ZNF765: variants seen among roughly 807,000 people sequenced by gnomAD.
ZNF765 encodes the protein zinc finger protein 765.
ZNF765 carries 37 observed loss-of-function variants against 44.7 expected under a neutral mutation model. The observed-to-expected ratio is 0.83, with a 90% CI of 0.64 to 1.09. The LOEUF (loss-of-function observed/expected upper bound fraction) is 1.09. Among genes scored for constraint, ZNF765 ranks in the 50% least tolerant of loss-of-function variants. The probability of loss-of-function intolerance (pLI) is 0.00; values close to 1 mark genes in which losing one functional copy is unlikely to be tolerated. For synonymous variants in ZNF765, 201 were observed against 213.7 expected (o/e 0.94, Z 0.52); for missense variants, 594 against 626.1 (o/e 0.95, Z 0.55).
intron 2 of ZNF765, among the ~76,000 whole-genome samples, chr19:53,401,123 C>T (rs2085721559): frequency 6.6e-6 from 1 of 152,072 alleles, no homozygotes; most frequent in East Asian, 1.9e-4. Flanking sequence ...GCATCAGCCT[C>T]CCAGGTAGCT....
chr19:53,397,758 C>T (rs1426718232), intron 1 of ZNF765, among the ~76,000 whole-genome samples, 185 bp from the exon 2 acceptor site: 13 of 151,844 alleles, frequency 8.6e-5, no homozygotes, highest in Admixed American at 2.6e-4. Context: ...ACTGCTGCAG[C>T]GTGTGTGTGG....
intron 3 of ZNF765, among the ~76,000 whole-genome samples, chr19:53,417,427 G>C (rs1405112689): frequency 6.6e-6 from 1 of 152,094 alleles, no homozygotes; most frequent in Non-Finnish European, 1.5e-5. Flanking sequence ...ATGGCCTCCA[G>C]CTCCATCCAT....
chr19:53,412,714 T>G (rs543439906), downstream of ZNF765, among the ~76,000 whole-genome samples: 66 of 152,040 alleles, frequency 4.3e-4, no homozygotes, highest in East Asian at 0.011. Flanking sequence ...AGAGATGGGG[T>G]TTCACCATAT....
chr19:53,395,592 T>C (rs1419202024), intron 1 of ZNF765, among the ~76,000 whole-genome samples: 1 of 152,246 alleles, frequency 6.6e-6, no homozygotes, highest in Non-Finnish European at 1.5e-5. Flanking sequence ...CCGCGTCCTC[T>C]GTCTGGTCCT....
Position 53,408,114 on chromosome 19 carries a change from C to G in ZNF765, c.559C>G (p.His187Asp). 6.2e-7 allele frequency: 1 copy of G among 1,614,014 alleles called. No homozygotes were observed. The highest frequency in any genetic ancestry group is 2.2e-5 in the East Asian group (1 of 44,870). ...AQRISCRPET[H>D]ISNDYGNNFL... ...AAGAATTTCTTGTAGGCCTGAAACC[C>G]ATATTTCTAATGACTATGGGAATAA... The change falls in exon 4 of 4, where the codon CAT (histidine) becomes GAT (aspartate). Residue 187 changes from histidine to aspartate, a missense_variant. This residue lies in a region of ZNF765 where 567 missense variants were observed against 572.6 expected (regional missense o/e 0.99). Coordinates refer to ENST00000396408, the MANE Select transcript of ZNF765 (RefSeq NM_001040185.3).
chr19:53,396,189 A>C lies in ZNF765; in HGVS notation c.-74+996A>C, dbSNP rs566292677. On this transcript the variant is annotated intron_variant, in intron 1 of 3. Transcript: ENST00000396408. ...GAGTGGTGCTGGTGGCAAGGAGAACAGAGGGAGAAGCACAGCAGGGAGGAC... is the reference window on the plus strand; with the variant it reads ...GAGTGGTGCTGGTGGCAAGGAGAACCGAGGGAGAAGCACAGCAGGGAGGAC... Among the ~76,000 whole-genome samples the C allele has an allele frequency of 4.2e-4, 64 of 152,130 alleles. 1 individual carries two copies. Among genetic ancestry groups the C allele is most frequent in the Non-Finnish European group, 7.1e-4 (48 of 68,008 alleles).
At chr19:53,397,440 T>G (rs1252763281) in intron 1 of ZNF765, among the ~76,000 whole-genome samples, 2 of 152,172 alleles carry the variant, frequency 1.3e-5, no homozygotes, top group Non-Finnish European at 2.9e-5. Context: ...GGTTTCACCA[T>G]GTTGGCCAGG....
intron 3 of ZNF765, among the ~76,000 whole-genome samples, chr19:53,418,384 C>G (rs1023835666): frequency 6.6e-6 from 1 of 152,112 alleles, no homozygotes; most frequent in Non-Finnish European, 1.5e-5. Context: ...ACTGCACTGT[C>G]ATAGCTGTGA....
chr19:53,398,318 G>T (rs1278252117), intron 2 of ZNF765, among the ~76,000 whole-genome samples: 1 of 152,154 alleles, frequency 6.6e-6, no homozygotes, highest in African/African-American at 2.4e-5. Context: ...TGGGCAGCAG[G>T]GATTGTTCAG....
chr19:53,413,756 TTAC>T (rs899612232), downstream of ZNF765, among the ~76,000 whole-genome samples: 6 of 151,176 alleles, frequency 4.0e-5, no homozygotes, highest in African/African-American at 1.5e-4. Flanking sequence ...CCCTTGGACT[TTAC>T]TATATTGGAA....
chr19:53,412,336 A>T (rs935298240), downstream of ZNF765, among the ~76,000 whole-genome samples: 6 of 152,222 alleles, frequency 3.9e-5, no homozygotes, highest in African/African-American at 1.2e-4. Context: ...GATTTGCTTG[A>T]ATATGTTGAA....
rs1465655885 is a variant in ZNF765, at chr19:53,408,295, T to C, written c.740T>C (p.Ile247Thr). The change falls in exon 4 of 4, where the codon ATA becomes ACA. Residue 247 changes from isoleucine (I) to threonine (T), a missense_variant. This residue lies in a region of ZNF765 where 567 missense variants were observed against 572.6 expected (regional missense o/e 0.99). Transcript: ENST00000396408. ...HLGEKQYKCD[I>T]CGKVFNSKRY... is the part of the protein sequence containing the mutation. ...GGAGAGAAACAATATAAATGCGATA[T>C]ATGTGGCAAGGTCTTTAATTCGAAG... 6.2e-7 allele frequency: 1 copy of C among 1,614,196 alleles called. No individual in the cohort carries two copies. Among genetic ancestry groups the C allele is most frequent in the East Asian group, 2.2e-5 (1 of 44,886 alleles).
At chr19:53,417,875 A>G (rs12985908) in intron 3 of ZNF765, among the ~76,000 whole-genome samples, 1 of 152,164 alleles carries the variant, frequency 6.6e-6, no homozygotes, top group Non-Finnish European at 1.5e-5. Context: ...TTGGGTGGAA[A>G]GACTTCTCAG....
downstream of ZNF765, among the ~76,000 whole-genome samples, chr19:53,414,272 T>G (rs1420685925): frequency 8.4e-5 from 11 of 131,412 alleles, no homozygotes; most frequent in East Asian, 2.2e-4. Context: ...GCAGCAAACA[T>G]GGTATGATAT....
At chr19:53,405,743 A>T (rs1393346048) in intron 3 of ZNF765, among the ~76,000 whole-genome samples, 1 of 151,306 alleles carries the variant, frequency 6.6e-6, no homozygotes, top group Non-Finnish European at 1.5e-5. Flanking sequence ...CTTTTGGCCA[A>T]TATGAACATT....
At chr19:53,402,035 C>G (rs758197343) in intron 2 of ZNF765, 30 bp from the exon 3 acceptor site, 2 of 1,613,898 alleles carry the variant, frequency 1.2e-6, no homozygotes, top group Non-Finnish European at 1.7e-6. Flanking sequence ...CCTCCCATAA[C>G]CATTTGGTTA....
chr19:53,407,219 A>G (rs551268644), intron 3 of ZNF765, among the ~76,000 whole-genome samples: 7 of 152,334 alleles, frequency 4.6e-5, no homozygotes, highest in South Asian at 4.1e-4. Context: ...TCTCAGTGCT[A>G]TGATTGTTTG....
At chr19:53,406,659 A>G (rs1432969270) in intron 3 of ZNF765, among the ~76,000 whole-genome samples, 1 of 152,238 alleles carries the variant, frequency 6.6e-6, no homozygotes, top group Non-Finnish European at 1.5e-5. Context: ...TCACGCCTGC[A>G]ATCCCAGGAC....
rs200234351 is a variant in ZNF765, at chr19:53,408,334, G to A, written c.779G>A (p.Arg260His). 1.1e-4 allele frequency: 175 copies of A among 1,614,196 alleles called. No homozygotes were observed. The highest frequency in any genetic ancestry group is 1.6e-4 in the Middle Eastern group (1 of 6,062). ...TTTAATTCGAAGCGATACGTTGCAC[G>A]CCATCGTAGATGTCACACTGGTGAG... ...KVFNSKRYVA[R>H]HRRCHTGEKP... The change falls in exon 4 of 4, where the codon CGC (arginine) becomes CAC (histidine). Residue 260 changes from arginine to histidine, a missense_variant. By Grantham distance (29) the Arg-to-His change is conservative. Transcript: ENST00000396408.
Sources: gnomAD v4.1 joint callset for allele counts (sites outside exome capture counted in the v4.1 genomes callset) on GRCh38, gnomAD v4.1.1 for gene constraint, gnomAD v4.1.1 regional missense constraint, MANE v1.5 for transcripts, NCBI Gene and HGNC (gene_info 2026-07-23, HGNC 2026-07-21) for gene names.